Variants in ITM2B observed in about 807,000 individuals in gnomAD.
ITM2B encodes integral membrane protein 2B.
Under a neutral mutation model 27.8 loss-of-function variants are expected in ITM2B, and 11 were observed. That is an observed-to-expected ratio of 0.40 (90% CI 0.25 to 0.66). The LOEUF (loss-of-function observed/expected upper bound fraction) is 0.66. Ranked by LOEUF, ITM2B falls within the 30% of genes least tolerant of loss-of-function variation. ITM2B has a pLI of 0.43. For synonymous variants in ITM2B, 114 were observed against 114.3 expected (o/e 1.00, Z 0.02); for missense variants, 296 against 328.9 (o/e 0.90, Z 0.77).
At chr13:48,235,828 C>T (rs977237431) in intron 1 of ITM2B, among the ~76,000 whole-genome samples, 10 of 152,160 alleles carry the variant, frequency 6.6e-5, no homozygotes, top group Admixed American at 6.5e-5. Flanking sequence ...TATCTTTAAC[C>T]CTCCCAGATC....
At chr13:48,245,976 C>T (rs191278202) in intron 1 of ITM2B, among the ~76,000 whole-genome samples, 239 of 152,160 alleles carry the variant, frequency 1.6e-3, no homozygotes, top group African/African-American at 5.4e-3. Flanking sequence ...GATGGGTTTT[C>T]ACCGTGTTAG....
chr13:48,238,348 CTT>C (rs1351721573), intron 1 of ITM2B, among the ~76,000 whole-genome samples: 11 of 152,168 alleles, frequency 7.2e-5, no homozygotes, highest in African/African-American at 2.4e-4. Context: ...TCTTTAAGCT[CTT>C]TTATTAGAGG....
intron 1 of ITM2B, among the ~76,000 whole-genome samples, chr13:48,252,203 T>C (rs1951759579): frequency 6.6e-6 from 1 of 152,238 alleles, no homozygotes; most frequent in East Asian, 1.9e-4. Context: ...TTAGACCTTT[T>C]TCAGTTGTAT....
chr13:48,245,849 G>A (rs571395516), intron 1 of ITM2B, among the ~76,000 whole-genome samples: 1 of 149,954 alleles, frequency 6.7e-6, no homozygotes, highest in Non-Finnish European at 1.5e-5. Context: ...TGCAGTCTCT[G>A]CTCACTGCAA....
chr13:48,248,697 G>A (rs1040709425), intron 1 of ITM2B, among the ~76,000 whole-genome samples: 2 of 152,082 alleles, frequency 1.3e-5, no homozygotes, highest in Admixed American at 6.6e-5. Context: ...AACAATAGTT[G>A]ATGAGCTGGG....
At chr13:48,257,126 A>T (rs1056285287) in intron 3 of ITM2B, among the ~76,000 whole-genome samples, 7 of 152,214 alleles carry the variant, frequency 4.6e-5, no homozygotes, top group Admixed American at 3.9e-4. Context: ...TAATAGATTA[A>T]CGACAATAAT....
In ITM2B at chr13:48,256,392, A is replaced by G. The variant is rs758433423; in HGVS notation, c.453+9A>G. On this transcript the variant is annotated intron_variant, in intron 3 of 5. Coordinates refer to ENST00000647800, the MANE Select transcript of ITM2B (RefSeq NM_021999.5). ...TTCATGACTTTAACAAGGTGAGCCAAGTGTCCAGAATTGTAGAAAGAATGC... is the reference window on the plus strand; with the variant it reads ...TTCATGACTTTAACAAGGTGAGCCAGGTGTCCAGAATTGTAGAAAGAATGC... 4 of 1,600,892 alleles carry G rather than the reference A, an allele frequency of 2.5e-6. No individual in the cohort carries two copies. The highest frequency in any genetic ancestry group is 2.2e-5 in the South Asian group (2 of 90,832).
At position 48,233,276 on chromosome 13, in the gene ITM2B, C is replaced by A; in HGVS notation, c.-85C>A. On this transcript the variant is annotated 5_prime_UTR_variant, in exon 1 of 6. Transcript: ENST00000647800. Reference sequence around the variant, plus strand: ...GCCCGGAGCCGCTCCCGGAGCCCGGCCGTAGAGGCTGCAATCGCAGCCGGG... The same window carrying A: ...GCCCGGAGCCGCTCCCGGAGCCCGGACGTAGAGGCTGCAATCGCAGCCGGG... 1.2e-6 allele frequency: 1 copy of A among 839,696 alleles called. No individual in the cohort carries two copies. Among genetic ancestry groups the A allele is most frequent in the Non-Finnish European group, 1.9e-6 (1 of 540,472 alleles). The allele number at this position is 839,696 out of a possible 1,614,324, so 52.0% of individuals were successfully genotyped here. A position where few individuals can be genotyped will look rare whatever the true frequency, so the allele number is the denominator to read the frequency against.
chr13:48,247,979 C>T (rs977517274), intron 1 of ITM2B, among the ~76,000 whole-genome samples: 8 of 151,664 alleles, frequency 5.3e-5, no homozygotes, highest in African/African-American at 1.9e-4. Flanking sequence ...ATGCAAGGTG[C>T]ACCAGTTTTA....
rs148291111 is a variant in ITM2B, at chr13:48,240,552, C to G, written c.117+7075C>G. Among the ~76,000 whole-genome samples the G allele has an allele frequency of 2.2e-3, 336 of 152,202 alleles. 1 individual carries two copies. The highest frequency in any genetic ancestry group is 4.1e-3 in the Non-Finnish European group (282 of 67,996). ...TTATCCCTGCCTCACATGTCAGTAA[C>G]AATATTGTTGGTACTTTTTTCACAG... is the stretch of plus-strand genomic sequence containing the variant. On this transcript the variant is annotated intron_variant, in intron 1 of 5. Coordinates refer to ENST00000647800, the MANE Select transcript of ITM2B (RefSeq NM_021999.5).
At chr13:48,259,658 A>G (rs576934231) in intron 5 of ITM2B, among the ~76,000 whole-genome samples, 2 of 148,338 alleles carry the variant, frequency 1.3e-5, no homozygotes, top group Non-Finnish European at 3.0e-5. Flanking sequence ...CTGTTCTCTC[A>G]TCTCCGGCGG....
chr13:48,259,584 T>C (rs1051175066), intron 5 of ITM2B, among the ~76,000 whole-genome samples: 9 of 152,192 alleles, frequency 5.9e-5, no homozygotes, highest in Admixed American at 1.3e-4. Context: ...TGGTGTGATT[T>C]CTTTGGAATT....
intron 1 of ITM2B, among the ~76,000 whole-genome samples, chr13:48,242,921 G>C (rs909184499): frequency 5.9e-5 from 9 of 151,940 alleles, no homozygotes; most frequent in African/African-American, 2.2e-4. Context: ...GCTTTATTGA[G>C]CTTTCAGGAG....
At chr13:48,239,464 G>A (rs1038782450) in intron 1 of ITM2B, among the ~76,000 whole-genome samples, 1 of 152,160 alleles carries the variant, frequency 6.6e-6, no homozygotes, top group Admixed American at 6.6e-5. Context: ...GCAAAATTCT[G>A]TCTCTACTAA....
intron 1 of ITM2B, among the ~76,000 whole-genome samples, chr13:48,236,908 GAA>G (rs1951671882): frequency 6.6e-6 from 1 of 152,188 alleles, no homozygotes; most frequent in African/African-American, 2.4e-5. Flanking sequence ...AAAGGAGAGA[GAA>G]AAGTAAAGTG....
Position 48,256,369 on chromosome 13 carries a change from C to A in ITM2B, c.439C>A (p.His147Asn). The A allele has an allele frequency of 6.2e-7, 1 of 1,612,942 alleles. No homozygotes were observed. Among genetic ancestry groups the A allele is most frequent in the South Asian group, 1.1e-5 (1 of 91,042 alleles). The change falls in exon 3 of 6, where the codon CAT becomes AAT. Residue 147 changes from histidine to asparagine, a missense_variant. By Grantham distance (68) the His-to-Asn change is moderately conservative (BLOSUM62 1). Transcript: ENST00000647800. ...FADSDPANIV[H>N]DFNKKLTAYL... is the part of the protein sequence containing the mutation. Reference sequence around the variant, plus strand: ...AGATAGTGATCCTGCCAACATTGTTCATGACTTTAACAAGGTGAGCCAAGT... The same window carrying A: ...AGATAGTGATCCTGCCAACATTGTTAATGACTTTAACAAGGTGAGCCAAGT...
At chr13:48,234,389 A>G (rs1471320091) in intron 1 of ITM2B, among the ~76,000 whole-genome samples, 1 of 152,182 alleles carries the variant, frequency 6.6e-6, no homozygotes, top group Non-Finnish European at 1.5e-5. Context: ...CCTCTTACCC[A>G]GACCCTTTTT....
chr13:48,252,081 T>C (rs1000166839), intron 1 of ITM2B, among the ~76,000 whole-genome samples: 1 of 152,228 alleles, frequency 6.6e-6, no homozygotes, highest in African/African-American at 2.4e-5. Flanking sequence ...AATGCACTGA[T>C]TCTTAGAATA....
Position 48,253,815 on chromosome 13 carries a change from A to G in ITM2B, c.125A>G (p.Asp42Gly), listed in dbSNP as rs1951768410. Residue 42 changes from aspartate to glycine, a missense_variant, in exon 2 of 6, where the codon GAT (aspartate) becomes GGT (glycine). Asp to Gly is a moderately conservative substitution (Grantham distance 94, BLOSUM62 -1). Coordinates refer to ENST00000647800, the MANE Select transcript of ITM2B (RefSeq NM_021999.5). Reference protein sequence around the residue: ...DAVAVDCKDPDDVVPVGQRRA... With the variant: ...DAVAVDCKDPGDVVPVGQRRA... ...GTCTTTTTCATATTTTAGGACCCAG[A>G]TGATGTGGTACCAGTTGGCCAAAGA... 2 of 1,613,890 alleles carry G rather than the reference A, an allele frequency of 1.2e-6. No individual in the cohort carries two copies. Among genetic ancestry groups the G allele is most frequent in the South Asian group, 1.1e-5 (1 of 91,076 alleles).
Sources: gnomAD v4.1 joint callset for allele counts (sites outside exome capture counted in the v4.1 genomes callset) on GRCh38, gnomAD v4.1.1 for gene constraint, MANE v1.5 for transcripts, NCBI Gene and HGNC (gene_info 2026-07-23, HGNC 2026-07-21) for gene names.